The following KIF15 variants were observed in gnomAD, a reference collection of about 807,000 sequenced individuals.
The protein encoded by KIF15 is kinesin-like protein KIF15.
A neutral mutation model predicts 190.6 loss-of-function variants in KIF15; 140 were observed. That is an observed-to-expected ratio of 0.73 (90% confidence interval 0.64 to 0.84). The LOEUF (loss-of-function observed/expected upper bound fraction) is 0.84. KIF15 is among the 40% of genes least tolerant of loss of function. The pLI, the probability that KIF15 is intolerant of heterozygous loss-of-function variation, is 0.00. For missense variants in KIF15, 1,372 were observed against 1,584.4 expected, an observed-to-expected ratio of 0.87 and a Z score of 2.28; for synonymous variants, 528 against 551.3, an observed-to-expected ratio of 0.96 and a Z score of 0.59.
Position 44,843,240 on chromosome 3 carries a change from A to G in KIF15, c.3695+6A>G. The G allele has an allele frequency of 6.3e-7, 1 of 1,587,594 alleles. No individual in the cohort carries two copies. The highest frequency in any genetic ancestry group is 1.3e-5 in the African/African-American group (1 of 74,368). ...AAAAGACAAAAGGAAAACAGGTGAGAAAGAACCACGAGAACTCTATGGGCT... is the reference window on the plus strand; with the variant it reads ...AAAAGACAAAAGGAAAACAGGTGAGGAAGAACCACGAGAACTCTATGGGCT... On this transcript the variant is annotated splice_donor_region_variant and intron_variant, in intron 30 of 34. Transcript: ENST00000326047.
chr3:44,791,687 C>G (rs1284690632), intron 7 of KIF15, among the ~76,000 whole-genome samples: 1 of 152,112 alleles, frequency 6.6e-6, no homozygotes, highest in Non-Finnish European at 1.5e-5. Flanking sequence ...TTATGTTACA[C>G]AAGTGACAGC....
chr3:44,818,743 T>C (rs554033192), intron 20 of KIF15, among the ~76,000 whole-genome samples: 17 of 152,366 alleles, frequency 1.1e-4, no homozygotes, highest in African/African-American at 3.8e-4. Context: ...GGTATCAGGA[T>C]GATGCTGGCC....
chr3:44,776,343 G>A (rs892013177), intron 3 of KIF15, among the ~76,000 whole-genome samples: 2 of 148,974 alleles, frequency 1.3e-5, no homozygotes, highest in African/African-American at 5.0e-5. Context: ...GATCACTTGA[G>A]CCCAGGAGTT....
chr3:44,840,817 C>T (rs970210619), intron 28 of KIF15, among the ~76,000 whole-genome samples: 1 of 138,382 alleles, frequency 7.2e-6, no homozygotes, highest in Non-Finnish European at 1.5e-5. Flanking sequence ...TACAGGTGCA[C>T]ACTGCCACGC....
At chr3:44,817,881 A>G (rs1184100001) in intron 20 of KIF15, among the ~76,000 whole-genome samples, 3 of 152,148 alleles carry the variant, frequency 2.0e-5, no homozygotes, top group Non-Finnish European at 2.9e-5. Flanking sequence ...TGAGCATGGA[A>G]TGTTCTTCCA....
At chr3:44,864,079 G>A (rs2125740022) in intron 6 of KIF15, 2 of 1,253,650 alleles carry the variant, frequency 1.6e-6, no homozygotes, top group Non-Finnish European at 2.3e-6. Context: ...CCTCTGAGCT[G>A]TAGTGGGAGC....
chr3:44,808,609 T>TA (rs375836574), intron 16 of KIF15, among the ~76,000 whole-genome samples: 60 of 146,458 alleles, frequency 4.1e-4, no homozygotes, highest in Middle Eastern at 3.5e-3. Context: ...TTTTTTTTTT[T>TA]AAAAAAAAAC....
At chr3:44,767,633 C>T (rs573858520) in intron 1 of KIF15, among the ~76,000 whole-genome samples, 3 of 120,968 alleles carry the variant, frequency 2.5e-5, no homozygotes, top group Non-Finnish European at 5.5e-5. Flanking sequence ...TGGTGGCTCA[C>T]GCCTGTAATC....
chr3:44,797,825 A>G lies in KIF15; in HGVS notation c.976-9A>G. The G allele has an allele frequency of 6.2e-7, 1 of 1,611,002 alleles. No individual in the cohort carries two copies. Among genetic ancestry groups the G allele is most frequent in the Non-Finnish European group, 8.5e-7 (1 of 1,179,174 alleles). ...CACCGAAAATATGTTCATTCCTATC[A>G]TTAAACAGGATTCCCTTGGAGGTAA... On this transcript the variant is annotated splice_polypyrimidine_tract_variant and intron_variant, in intron 9 of 34. Transcript: ENST00000326047.
At chr3:44,863,298 G>GAACCC (rs1699279938) in intron 6 of KIF15, 1 of 38,726 alleles carries the variant, frequency 2.6e-5, no homozygotes. Context: ...TTTAGATTCC[G>GAACCC]CACCCCCCCC....
intron 17 of KIF15, 80 bp downstream of exon 17, chr3:44,811,123 G>A (rs541577890): frequency 6.0e-5 from 66 of 1,096,946 alleles, no homozygotes; most frequent in Non-Finnish European, 7.7e-5. Context: ...TTCCCTATAA[G>A]TTACAGTGTT....
chr3:44,815,430 C>T (rs941768566), intron 20 of KIF15, among the ~76,000 whole-genome samples: 8 of 152,166 alleles, frequency 5.3e-5, no homozygotes, highest in African/African-American at 1.9e-4. Flanking sequence ...TTCTCTCTCC[C>T]AATAGCCATG....
chr3:44,821,834 A>G (rs1426762705), intron 20 of KIF15, among the ~76,000 whole-genome samples: 1 of 152,236 alleles, frequency 6.6e-6, no homozygotes, highest in East Asian at 1.9e-4. Flanking sequence ...CCTGGGCAAC[A>G]TTGAGCATTG....
chr3:44,798,299 AC>A (rs1426159818), intron 10 of KIF15, among the ~76,000 whole-genome samples: 2 of 151,764 alleles, frequency 1.3e-5, no homozygotes, highest in Non-Finnish European at 2.9e-5. Context: ...TGTAGCTGGA[AC>A]TACAGGCATG....
intron 6 of KIF15, chr3:44,865,412 C>T: frequency 1.9e-6 from 1 of 537,340 alleles, no homozygotes; most frequent in South Asian, 3.2e-5. Flanking sequence ...TTCTTCCTCC[C>T]AGGCCTACCC....
At chr3:44,798,638 A>G (rs1027484823) in intron 10 of KIF15, among the ~76,000 whole-genome samples, 2 of 152,096 alleles carry the variant, frequency 1.3e-5, no homozygotes, top group Non-Finnish European at 2.9e-5. Flanking sequence ...TCCTAGGTTC[A>G]AGCAGTCCTC....
intron 26 of KIF15, among the ~76,000 whole-genome samples, chr3:44,837,079 C>T (rs1461575484): frequency 3.3e-5 from 5 of 152,216 alleles, no homozygotes; most frequent in South Asian, 2.1e-4. Flanking sequence ...AACTTTCTTA[C>T]GTTTTAAGAC....
At chr3:44,765,820 A>G (rs1307806953) in intron 1 of KIF15, among the ~76,000 whole-genome samples, 1 of 152,046 alleles carries the variant, frequency 6.6e-6, no homozygotes, top group African/African-American at 2.4e-5. Context: ...GAGTGCCCTT[A>G]GGTTTGAACT....
In KIF15 at chr3:44,864,316, A is replaced by G. The variant is rs369747223; in HGVS notation, c.*60-9013A>G. ...TGTCTTCAGCCATTGCATCTGTCAC[A>G]GTGACTTTTTCAAATATCCTCAGCT... On this transcript the variant is annotated intron_variant and NMD_transcript_variant, in intron 6 of 6. Transcript: ENST00000422209. 3.1e-6 allele frequency: 5 copies of G among 1,614,054 alleles called. No individual in the cohort carries two copies. The highest frequency in any genetic ancestry group is 4.2e-6 in the Non-Finnish European group (5 of 1,180,048).
Sources: allele counts gnomAD v4.1 joint callset (sites outside exome capture counted in the v4.1 genomes callset), GRCh38; gene constraint gnomAD v4.1.1; transcripts MANE v1.5; gene names NCBI Gene and HGNC (gene_info 2026-07-23, HGNC 2026-07-21).